The following RAD21L1 variants were observed in gnomAD, a reference collection of about 807,000 sequenced individuals.
RAD21L1 encodes the protein double-strand-break repair protein rad21-like protein 1.
RAD21L1 carries 47 observed loss-of-function variants against 69.0 expected under a neutral mutation model. The observed-to-expected ratio is 0.68, with a 90% CI of 0.54 to 0.87. RAD21L1 has a LOEUF of 0.87. Ranked by LOEUF, RAD21L1 falls within the 40% of genes least tolerant of loss-of-function variation. RAD21L1 has a pLI of 0.00. For missense variants in RAD21L1, 583 were observed against 647.6 expected (o/e 0.90, Z 1.08); for synonymous variants, 177 against 205.8 (o/e 0.86, Z 1.20).
intron 10 of RAD21L1, among the ~76,000 whole-genome samples, chr20:1,243,838 A>G (rs2087668092): frequency 3.3e-5 from 5 of 151,722 alleles, no homozygotes; most frequent in Admixed American, 3.3e-4. Context: ...GTTGGCAGAG[A>G]ATGGGGAGTG....
chr20:1,244,435 A>G (rs1008220046), intron 11 of RAD21L1, among the ~76,000 whole-genome samples: 1 of 152,166 alleles, frequency 6.6e-6, no homozygotes, highest in African/African-American at 2.4e-5. Context: ...GATTGTCTCT[A>G]TGTAAACCTA....
chr20:1,252,807 C>A (rs2087861413), intron 13 of RAD21L1, among the ~76,000 whole-genome samples: 2 of 152,134 alleles, frequency 1.3e-5, no homozygotes, highest in Admixed American at 6.5e-5. Context: ...TTGCTGGCTT[C>A]CCCCCTGCCA....
In RAD21L1 at chr20:1,254,516, T is replaced by C; in HGVS notation, c.*59T>C. The C allele has an allele frequency of 1.6e-6, 2 of 1,248,348 alleles. No homozygotes were observed. The highest frequency in any genetic ancestry group is 2.1e-6 in the Non-Finnish European group (2 of 932,190). 77.3% of individuals were successfully genotyped at this position (1,248,348 alleles called of 1,614,324 possible). On this transcript the variant is annotated 3_prime_UTR_variant, in exon 14 of 14. Transcript: ENST00000683101. ...TGGAATTTCTGTGTAGATTGTTCAA[T>C]TTAATGCAGAAGCCATCTGGAAGCA...
chr20:1,243,646 A>G (rs779557145), intron 10 of RAD21L1, among the ~76,000 whole-genome samples: 5 of 152,182 alleles, frequency 3.3e-5, no homozygotes, highest in Non-Finnish European at 7.3e-5. Context: ...ATTAATAATC[A>G]CTGATTATTA....
At chr20:1,245,087 C>G (rs1445172867) in intron 11 of RAD21L1, among the ~76,000 whole-genome samples, 7 of 152,120 alleles carry the variant, frequency 4.6e-5, no homozygotes, top group Non-Finnish European at 1.5e-5. Context: ...AATACAACTG[C>G]AGTTATCACA....
intron 6 of RAD21L1, among the ~76,000 whole-genome samples, chr20:1,238,990 AT>A (rs1192921368): frequency 1.3e-5 from 2 of 151,682 alleles, no homozygotes; most frequent in East Asian, 3.9e-4. Context: ...TGTCCAGCTA[AT>A]TTTTTTTCTA....
chr20:1,229,852 C>G (rs1373386817), intron 2 of RAD21L1, 28 bp from the exon 3 acceptor site: 1 of 1,514,426 alleles, frequency 6.6e-7, no homozygotes, highest in Admixed American at 2.0e-5. Flanking sequence ...AATCTTTACT[C>G]TTCTAATACT....
At position 1,248,657 on chromosome 20, in the gene RAD21L1, C is replaced by G. The variant is rs1166986996; in HGVS notation, c.1433C>G (p.Thr478Arg). The G allele has an allele frequency of 6.5e-7, 1 of 1,535,658 alleles. No homozygotes were observed. The highest frequency in any genetic ancestry group is 1.4e-5 in the African/African-American group (1 of 72,470). The part of the protein sequence containing the change: ...ESLSNEENIE[T>R]ERWNGRILQM... ...TTGAGCAATGAAGAAAATATTGAGA[C>G]AGAGAGATGGAATGGAAGAATACTT... The change falls in exon 13 of 14, where the codon ACA (threonine) becomes AGA (arginine). Residue 478 changes from threonine (T) to arginine (R), a missense_variant. Transcript: ENST00000683101.
At chr20:1,238,347 A>G in intron 6 of RAD21L1, 133 bp downstream of exon 6, 2 of 584,950 alleles carry the variant, frequency 3.4e-6, no homozygotes, top group Non-Finnish European at 5.3e-6. Flanking sequence ...TTTTTTTTAT[A>G]CAAGTTTTCA....
intron 13 of RAD21L1, among the ~76,000 whole-genome samples, chr20:1,249,473 G>A (rs1160132572): frequency 6.6e-6 from 1 of 152,110 alleles, no homozygotes; most frequent in Non-Finnish European, 1.5e-5. Flanking sequence ...ATCTGGTATG[G>A]CAGCTATGCT....
intron 1 of RAD21L1, among the ~76,000 whole-genome samples, chr20:1,226,688 G>A (rs1050605951): frequency 1.1e-4 from 17 of 152,114 alleles, no homozygotes; most frequent in African/African-American, 4.1e-4. Context: ...CCCCATCCCG[G>A]TGGCTTCACG....
In RAD21L1 at chr20:1,238,055, G is replaced by A. The variant is rs1394128077; in HGVS notation, c.487G>A (p.Glu163Lys). The A allele has an allele frequency of 2.0e-6, 3 of 1,503,510 alleles. No homozygotes were observed. The highest frequency in any genetic ancestry group is 2.7e-6 in the Non-Finnish European group (3 of 1,113,024). 93.1% of individuals were successfully genotyped at this position (1,503,510 alleles called of 1,614,324 possible). A position where few individuals can be genotyped will look rare whatever the true frequency, so the allele number is the denominator to read the frequency against. The part of the protein sequence containing the change: ...FQAESFGEES[E>K]ILRRHSFFDD... Reference sequence around the variant, plus strand: ...ATATATTTATTTAGGGGAGGAATCTGAAATTCTCAGAAGACATAGCTTCTT... The same window carrying A: ...ATATATTTATTTAGGGGAGGAATCTAAAATTCTCAGAAGACATAGCTTCTT... The change falls in exon 6 of 14, where the codon GAA (glutamate) becomes AAA (lysine). Residue 163 changes from glutamate to lysine, a missense_variant. Transcript: ENST00000683101.
intron 13 of RAD21L1, among the ~76,000 whole-genome samples, chr20:1,253,248 C>T (rs958905923): frequency 1.3e-5 from 2 of 152,176 alleles, no homozygotes; most frequent in African/African-American, 4.8e-5. Flanking sequence ...AACTATCCAG[C>T]GTGTATGATT....
In RAD21L1 at chr20:1,237,088, T is replaced by G. The variant is rs183048145; in HGVS notation, c.476-956T>G. On this transcript the variant is annotated intron_variant, in intron 5 of 13. Transcript: ENST00000683101. ...TTTCCACTCTTCCATTCTAGAAGAT[T>G]TAGGTCTATAGAAGAATTTTCAATA... 7.9e-5 allele frequency among the ~76,000 whole-genome samples: 12 copies of G among 152,354 alleles called. No homozygotes were observed. The East Asian group carries it at 1.9e-3, about 24-fold the overall frequency.
rs1187675491 is a variant in RAD21L1 at position 1,242,777 on chromosome 20, A to G, written c.1015A>G (p.Lys339Glu). The G allele has an allele frequency of 1.9e-6, 3 of 1,551,498 alleles. No individual in the cohort carries two copies. The African/African-American group carries it at 4.1e-5, about 21-fold the overall frequency. The change falls in exon 9 of 14, where the codon AAG becomes GAG. Residue 339 changes from lysine (K) to glutamate (E), a missense_variant. Physicochemically the swap from Lys to Glu is moderately conservative, Grantham distance 56 (BLOSUM62 1). Coordinates refer to ENST00000683101, the MANE Select transcript of RAD21L1 (RefSeq NM_001384355.1). ...TACCCAAAGATTGATGATGTGGAAG[A>G]AGAGGGGAGGAGTGCATACACTTCT... is the stretch of plus-strand genomic sequence containing the variant. ...PPTQRLMMWK[K>E]RGGVHTLLST...
chr20:1,226,972 C>G (rs137929623), intron 1 of RAD21L1, among the ~76,000 whole-genome samples: 1 of 152,170 alleles, frequency 6.6e-6, no homozygotes, highest in South Asian at 2.1e-4. Flanking sequence ...TGCAGTAGGG[C>G]GATCGCGGCT....
chr20:1,228,532 C>T lies in RAD21L1; in HGVS notation c.79C>T (p.Leu27Phe), dbSNP rs1383837111. Residue 27 changes from leucine (L) to phenylalanine (F), a missense_variant, in exon 2 of 14, where the codon CTC (leucine) becomes TTC (phenylalanine). Leu to Phe is a conservative substitution (Grantham distance 22). Coordinates refer to ENST00000683101, the MANE Select transcript of RAD21L1 (RefSeq NM_001384355.1). ...IWLAAHWEKK[L>F]TKAHVFECNL... is the part of the protein sequence containing the mutation. The stretch of plus-strand genomic sequence containing the variant: ...GCTTGCAGCTCACTGGGAGAAGAAA[C>T]TCACAAAGGCCCATGTATTTGAATG... The T allele has an allele frequency of 5.8e-6, 9 of 1,550,332 alleles. No individual in the cohort carries two copies. The highest frequency in any genetic ancestry group is 6.1e-6 in the Non-Finnish European group (7 of 1,146,218).
intron 1 of RAD21L1, among the ~76,000 whole-genome samples, chr20:1,226,696 A>G (rs889568977): frequency 6.6e-6 from 1 of 151,630 alleles, no homozygotes; most frequent in African/African-American, 2.4e-5. Flanking sequence ...CGGTGGCTTC[A>G]CGTTGCACGA....
chr20:1,233,979 T>C (rs1162400637), intron 4 of RAD21L1, 106 bp from the exon 5 acceptor site: 7 of 588,980 alleles, frequency 1.2e-5, no homozygotes, highest in Non-Finnish European at 2.1e-5. Flanking sequence ...AATAATACTA[T>C]TGAGAAAATG....
Sources: allele counts gnomAD v4.1 joint callset (sites outside exome capture counted in the v4.1 genomes callset), GRCh38; gene constraint gnomAD v4.1.1; transcripts MANE v1.5; gene names NCBI Gene and HGNC (gene_info 2026-07-23, HGNC 2026-07-21).